Variants in PRKAR2B observed in about 807,000 individuals in gnomAD.
PRKAR2B encodes the protein protein kinase cAMP-dependent type II regulatory subunit beta.
A neutral mutation model predicts 49.9 loss-of-function variants in PRKAR2B; 14 were observed. The ratio of observed to expected loss-of-function variants is 0.28; its 90% confidence interval spans 0.19 to 0.44. The LOEUF (loss-of-function observed/expected upper bound fraction) is 0.44, where lower values mean the gene tolerates loss of function less well. Ranked by LOEUF, PRKAR2B falls within the 20% of genes least tolerant of loss-of-function variation. The pLI, the probability that PRKAR2B is intolerant of heterozygous loss-of-function variation, is 1.00. For missense variants in PRKAR2B, 393 were observed against 537.9 expected (o/e 0.73, Z 2.67); for synonymous variants, 196 against 197.7 (o/e 0.99, Z 0.07).
chr7:107,072,486 A>T (rs1338822547), intron 2 of PRKAR2B, among the ~76,000 whole-genome samples: 2 of 152,196 alleles, frequency 1.3e-5, no homozygotes, highest in African/African-American at 4.8e-5. Context: ...AATACTTTGA[A>T]TAAAAAATGT....
At chr7:107,121,138 C>T (rs932523627) in intron 2 of PRKAR2B, among the ~76,000 whole-genome samples, 2 of 151,692 alleles carry the variant, frequency 1.3e-5, no homozygotes, top group African/African-American at 2.4e-5. Context: ...GTCGGACAAT[C>T]GATAGGTACA....
At chr7:107,095,587 C>T (rs1259909823) in intron 2 of PRKAR2B, among the ~76,000 whole-genome samples, 1 of 152,156 alleles carries the variant, frequency 6.6e-6, no homozygotes, top group Non-Finnish European at 1.5e-5. Flanking sequence ...TGCCAGTTTT[C>T]AAAGGGAATG....
At chr7:107,068,302 ATTT>A in intron 1 of PRKAR2B, among the ~76,000 whole-genome samples, 1 of 152,048 alleles carries the variant, frequency 6.6e-6, no homozygotes, top group African/African-American at 2.4e-5. Flanking sequence ...TGTCTACTAT[ATTT>A]TTGCCCCAAG....
chr7:107,064,419 C>A (rs1055770326), intron 1 of PRKAR2B, among the ~76,000 whole-genome samples: 3 of 152,168 alleles, frequency 2.0e-5, no homozygotes, highest in African/African-American at 7.2e-5. Context: ...TCTTACTCTG[C>A]CCCACCTCCA....
intron 2 of PRKAR2B, among the ~76,000 whole-genome samples, chr7:107,094,907 G>A (rs1794806181): frequency 6.6e-6 from 1 of 152,040 alleles, no homozygotes; most frequent in African/African-American, 2.4e-5. Flanking sequence ...TGGTTACTGT[G>A]GCCTTGTAGG....
chr7:107,126,825 T>G (rs979458612), intron 3 of PRKAR2B, among the ~76,000 whole-genome samples: 6 of 152,312 alleles, frequency 3.9e-5, no homozygotes, highest in African/African-American at 1.4e-4. Flanking sequence ...GAGAAGTCCC[T>G]GGGATCTACT....
intron 2 of PRKAR2B, among the ~76,000 whole-genome samples, chr7:107,119,889 AC>A (rs1448154229): frequency 6.6e-6 from 1 of 152,154 alleles, no homozygotes; most frequent in Non-Finnish European, 1.5e-5. Flanking sequence ...CATTCCTGTT[AC>A]GTTTCTGAGA....
intron 1 of PRKAR2B, among the ~76,000 whole-genome samples, chr7:107,057,941 A>G (rs549792566): frequency 2.4e-4 from 37 of 152,300 alleles, no homozygotes; most frequent in Admixed American, 1.6e-3. Context: ...ATATGAAAGT[A>G]AAGTCTTTAA....
At chr7:107,059,675 T>C (rs1346121038) in intron 1 of PRKAR2B, among the ~76,000 whole-genome samples, 2 of 148,216 alleles carry the variant, frequency 1.3e-5, no homozygotes, top group East Asian at 4.0e-4. Context: ...TTCCCAATTT[T>C]TTGTTATAGT....
intron 2 of PRKAR2B, among the ~76,000 whole-genome samples, chr7:107,117,628 T>A (rs1795300889): frequency 6.6e-6 from 1 of 152,164 alleles, no homozygotes; most frequent in South Asian, 2.1e-4. Flanking sequence ...TGTATACTTG[T>A]CTAGTGCAGA....
chr7:107,081,211 T>C (rs948367284), intron 2 of PRKAR2B, among the ~76,000 whole-genome samples: 3 of 152,182 alleles, frequency 2.0e-5, no homozygotes, highest in African/African-American at 7.2e-5. Flanking sequence ...TAACATTGTA[T>C]TGTTATTTGT....
chr7:107,058,820 TAGTG>T (rs1793967150), intron 1 of PRKAR2B, among the ~76,000 whole-genome samples: 1 of 152,192 alleles, frequency 6.6e-6, no homozygotes, highest in Admixed American at 6.5e-5. Context: ...TATCGGAGCA[TAGTG>T]AGAGATTTTT....
At chr7:107,090,928 G>A (rs967464232) in intron 2 of PRKAR2B, among the ~76,000 whole-genome samples, 1 of 152,076 alleles carries the variant, frequency 6.6e-6, no homozygotes, top group South Asian at 2.1e-4. Flanking sequence ...TAAAGGAAAA[G>A]GTCCCAAAAA....
intron 1 of PRKAR2B, among the ~76,000 whole-genome samples, chr7:107,060,387 A>G (rs1314477416): frequency 6.6e-6 from 1 of 152,242 alleles, no homozygotes; most frequent in Non-Finnish European, 1.5e-5. Context: ...TGAAGCGAAC[A>G]TTCAATATTG....
intron 2 of PRKAR2B, among the ~76,000 whole-genome samples, chr7:107,093,258 T>C (rs1794765651): frequency 6.6e-6 from 1 of 152,180 alleles, no homozygotes; most frequent in African/African-American, 2.4e-5. Context: ...TGTTGAATCA[T>C]GTGGTGATTC....
intron 2 of PRKAR2B, among the ~76,000 whole-genome samples, chr7:107,072,090 A>G: frequency 6.7e-6 from 1 of 149,408 alleles, no homozygotes; most frequent in East Asian, 1.9e-4. Flanking sequence ...ATAATAAAAA[A>G]TAAAAATAAA....
At chr7:107,073,675 G>T (rs992214953) in intron 2 of PRKAR2B, among the ~76,000 whole-genome samples, 2 of 152,020 alleles carry the variant, frequency 1.3e-5, no homozygotes, top group Non-Finnish European at 2.9e-5. Context: ...GTACCTCATG[G>T]TCCCATTTTT....
At chr7:107,062,162 C>G (rs958048626) in intron 1 of PRKAR2B, among the ~76,000 whole-genome samples, 1 of 152,018 alleles carries the variant, frequency 6.6e-6, no homozygotes, top group African/African-American at 2.4e-5. Flanking sequence ...ACCAAGCAAT[C>G]CCACTCCTAG....
chr7:107,126,087 T>TA (rs34333619), intron 3 of PRKAR2B, among the ~76,000 whole-genome samples: 45,033 of 82,074 alleles, frequency 0.55, 12,694 homozygotes, highest in Non-Finnish European at 0.6. Flanking sequence ...GACTGTGTCT[T>TA]AAAAAAAAAA....
Sources: allele counts gnomAD v4.1 joint callset (sites outside exome capture counted in the v4.1 genomes callset), GRCh38; gene constraint gnomAD v4.1.1; transcripts MANE v1.5; gene names NCBI Gene and HGNC (gene_info 2026-07-23, HGNC 2026-07-21).